Variants in FMN1 observed in about 807,000 individuals in gnomAD.
FMN1 encodes the protein formin-1.
FMN1 carries 110 observed loss-of-function variants against 132.4 expected under a neutral mutation model. That is an observed-to-expected ratio of 0.83 (90% CI 0.71 to 0.97). The LOEUF (loss-of-function observed/expected upper bound fraction) is 0.97, where lower values mean the gene tolerates loss of function less well. FMN1 is among the 50% of genes least tolerant of loss of function. The pLI, the probability that FMN1 is intolerant of heterozygous loss-of-function variation, is 0.00. For missense variants in FMN1, 1,792 were observed against 1,705.3 expected (o/e 1.05, Z -0.90); for synonymous variants, 722 against 651.7 (o/e 1.11, Z -1.64).
chr15:33,043,194 C>T (rs2036521530), intron 6 of FMN1, among the ~76,000 whole-genome samples: 1 of 152,202 alleles, frequency 6.6e-6, no homozygotes, highest in Non-Finnish European at 1.5e-5. Flanking sequence ...CACAGGATCA[C>T]GAAAGTCAAC....
intron 10 of FMN1, among the ~76,000 whole-genome samples, chr15:32,911,961 T>A (rs982316561): frequency 6.6e-6 from 1 of 152,214 alleles, no homozygotes; most frequent in Non-Finnish European, 1.5e-5. Flanking sequence ...CATTTTTAAA[T>A]GTCTAGTGCG....
intron 16 of FMN1, among the ~76,000 whole-genome samples, chr15:32,871,765 G>C (rs1022838301): frequency 6.6e-6 from 1 of 152,194 alleles, no homozygotes; most frequent in African/African-American, 2.4e-5. Context: ...ATGAAGGGGA[G>C]AGATTTTGGA....
Position 33,154,305 on chromosome 15 carries a change from G to C in FMN1, c.610C>G (p.Leu204Val). The stretch of plus-strand genomic sequence containing the variant: ...CAAAGGTTAGGCCTTGTTCTAGAAA[G>C]AGGAAGGGAGTGGCTGGAACAGATC... ...DKICSSHSLP[L>V]SRTRPNLWVL... The change falls in exon 4 of 21, where the codon CTT becomes GTT. Residue 204 changes from leucine (L) to valine (V), a missense_variant. Physicochemically the swap from Leu to Val is conservative, Grantham distance 32. Around this residue, in one of 3 missense-constraint regions of FMN1, gnomAD observed 638 missense variants for 645.2 expected, o/e 0.99. Coordinates refer to ENST00000616417, the MANE Select transcript of FMN1 (RefSeq NM_001277313.2). The C allele has an allele frequency of 6.5e-7, 1 of 1,536,200 alleles. No homozygotes were observed. Among genetic ancestry groups the C allele is most frequent in the Non-Finnish European group, 8.7e-7 (1 of 1,146,930 alleles).
intron 16 of FMN1, among the ~76,000 whole-genome samples, chr15:32,886,027 C>T (rs556755530): frequency 6.6e-6 from 1 of 150,688 alleles, no homozygotes; most frequent in South Asian, 2.2e-4. Context: ...TCAGCTCACA[C>T]CAAGGCCTTA....
At chr15:32,873,516 T>A (rs557966389) in intron 16 of FMN1, among the ~76,000 whole-genome samples, 1 of 152,186 alleles carries the variant, frequency 6.6e-6, no homozygotes, top group South Asian at 2.1e-4. Flanking sequence ...CCCCTGGTAG[T>A]CTGCATCCTA....
intron 9 of FMN1, among the ~76,000 whole-genome samples, chr15:32,953,680 C>T (rs540473361): frequency 1.1e-4 from 17 of 152,250 alleles, no homozygotes; most frequent in African/African-American, 4.1e-4. Context: ...GCCTCTCGAC[C>T]GTGGAAACTC....
chr15:33,097,708 C>T (rs560567351), intron 4 of FMN1, among the ~76,000 whole-genome samples: 37 of 152,270 alleles, frequency 2.4e-4, no homozygotes, highest in African/African-American at 8.4e-4. Context: ...AAAGACATAA[C>T]ATGCCTACAT....
At chr15:32,992,653 T>C (rs1396290316) in intron 7 of FMN1, among the ~76,000 whole-genome samples, 1 of 152,232 alleles carries the variant, frequency 6.6e-6, no homozygotes, top group East Asian at 1.9e-4. Flanking sequence ...AGATGTTTAA[T>C]TCACTTTCTT....
intron 6 of FMN1, among the ~76,000 whole-genome samples, chr15:33,059,891 C>A (rs531057484): frequency 6.6e-6 from 1 of 152,340 alleles, no homozygotes; most frequent in South Asian, 2.1e-4. Context: ...ATTCTTGAGT[C>A]TCCAGTCCGC....
At position 33,112,383 on chromosome 15, in the gene FMN1, A is replaced by T. The variant is rs377432223; in HGVS notation, c.1868-23409T>A. 2.6e-5 allele frequency among the ~76,000 whole-genome samples: 4 copies of T among 152,272 alleles called. No homozygotes were observed. In the East Asian group the frequency reaches 5.8e-4, roughly 22 times the overall value. On this transcript the variant is annotated intron_variant, in intron 4 of 20. Transcript: ENST00000616417. Reference sequence around the variant, plus strand: ...AGAGTTGAGGTGGTTGGATTATAGAAGATTTTGTTGTTCTGTACTAGTTTT... The same window carrying T: ...AGAGTTGAGGTGGTTGGATTATAGATGATTTTGTTGTTCTGTACTAGTTTT...
chr15:33,135,809 CA>C (rs1318473558), intron 4 of FMN1, among the ~76,000 whole-genome samples: 1 of 152,208 alleles, frequency 6.6e-6, no homozygotes, highest in East Asian at 1.9e-4. Context: ...TTCTATGAAC[CA>C]AAAAAACCAT....
chr15:33,128,379 C>G (rs145820579), intron 4 of FMN1, among the ~76,000 whole-genome samples: 1 of 152,130 alleles, frequency 6.6e-6, no homozygotes, highest in Non-Finnish European at 1.5e-5. Flanking sequence ...CAGCCTCTCT[C>G]CGAACTCCAA....
At chr15:32,878,651 C>T (rs2059692778) in intron 16 of FMN1, among the ~76,000 whole-genome samples, 1 of 152,122 alleles carries the variant, frequency 6.6e-6, no homozygotes, top group Non-Finnish European at 1.5e-5. Flanking sequence ...TCCTCTTAAA[C>T]AATCAGTGGA....
At chr15:33,085,817 G>A (rs1042089675) in intron 5 of FMN1, among the ~76,000 whole-genome samples, 1 of 152,054 alleles carries the variant, frequency 6.6e-6, no homozygotes. Flanking sequence ...TCCAAAACTG[G>A]AAACAACTTC....
At chr15:33,066,693 G>T in intron 5 of FMN1, 1 of 1,613,674 alleles carries the variant, frequency 6.2e-7, no homozygotes, top group South Asian at 1.1e-5. Flanking sequence ...GCTGTCTCTG[G>T]CGACTTTGGC....
At chr15:32,972,845 C>A (rs1316490372) in intron 7 of FMN1, among the ~76,000 whole-genome samples, 2 of 152,192 alleles carry the variant, frequency 1.3e-5, no homozygotes, top group Non-Finnish European at 2.9e-5. Flanking sequence ...TGCCTCAGAT[C>A]CAACAGGTTG....
chr15:32,832,551 G>A (rs990297850), intron 17 of FMN1, among the ~76,000 whole-genome samples: 8 of 152,170 alleles, frequency 5.3e-5, no homozygotes, highest in African/African-American at 1.2e-4. Context: ...AGGCCGAGGC[G>A]GGCAGATCAT....
At chr15:33,084,077 T>A (rs2038595426) in intron 5 of FMN1, among the ~76,000 whole-genome samples, 1 of 152,166 alleles carries the variant, frequency 6.6e-6, no homozygotes, top group Non-Finnish European at 1.5e-5. Context: ...TCATGAATAA[T>A]TCACCCCTTA....
chr15:33,055,968 T>C (rs943908107), intron 6 of FMN1, among the ~76,000 whole-genome samples: 1 of 152,306 alleles, frequency 6.6e-6, no homozygotes, highest in East Asian at 1.9e-4. Context: ...GCAATGGCCA[T>C]GAAAAAGTGC....
Sources: allele counts gnomAD v4.1 joint callset (sites outside exome capture counted in the v4.1 genomes callset), GRCh38; gene constraint gnomAD v4.1.1; regional missense constraint gnomAD v4.1.1; transcripts MANE v1.5; gene names NCBI Gene and HGNC (gene_info 2026-07-23, HGNC 2026-07-21).